IL1RAP: variants seen among roughly 807,000 people sequenced by gnomAD.
The protein encoded by IL1RAP is interleukin-1 receptor accessory protein.
Under a neutral mutation model 60.7 loss-of-function variants are expected in IL1RAP, and 35 were observed. The observed-to-expected ratio is 0.58, with a 90% confidence interval of 0.44 to 0.76. IL1RAP has a LOEUF of 0.76. Ranked by LOEUF, IL1RAP falls within the 30% of genes least tolerant of loss-of-function variation. IL1RAP has a pLI of 0.00. For missense variants in IL1RAP, 572 were observed against 693.9 expected, an observed-to-expected ratio of 0.82 and a Z score of 1.97; for synonymous variants, 268 against 250.9, an observed-to-expected ratio of 1.07 and a Z score of -0.64.
intron 3 of IL1RAP, among the ~76,000 whole-genome samples, chr3:190,567,399 A>T (rs1463031628): frequency 1.3e-5 from 2 of 152,220 alleles, no homozygotes; most frequent in Non-Finnish European, 2.9e-5. Context: ...AGCAGTTTGC[A>T]TTGTACATAT....
intron 9 of IL1RAP, among the ~76,000 whole-genome samples, chr3:190,636,054 G>A (rs1020406720): frequency 3.3e-5 from 5 of 152,098 alleles, no homozygotes; most frequent in African/African-American, 1.2e-4. Flanking sequence ...ATTTAATTCT[G>A]ATGTGTCCAA....
chr3:190,659,487 T>C (rs558712223), exon 12 of IL1RAP: 1 of 152,244 alleles, frequency 6.6e-6, no homozygotes, highest in Non-Finnish European at 1.5e-5. Context: ...TTGAATGTGA[T>C]GTTCAGTACC....
intron 9 of IL1RAP, among the ~76,000 whole-genome samples, chr3:190,631,734 T>C (rs1316859031): frequency 2.0e-5 from 3 of 151,766 alleles, no homozygotes; most frequent in African/African-American, 7.3e-5. Context: ...AATTTCATTA[T>C]AGTCAGTTAA....
chr3:190,553,728 C>T (rs1254402240), intron 1 of IL1RAP, among the ~76,000 whole-genome samples: 2 of 152,186 alleles, frequency 1.3e-5, no homozygotes, highest in Admixed American at 1.3e-4. Context: ...GGCACAGTTT[C>T]CTCTAGCCTC....
chr3:190,538,208 C>T (rs1003359635), intron 1 of IL1RAP, among the ~76,000 whole-genome samples: 1 of 152,188 alleles, frequency 6.6e-6, no homozygotes, highest in Admixed American at 6.6e-5. Context: ...ACTGTTGCTT[C>T]TCAATGTATG....
chr3:190,526,283 A>C (rs755419885), intron 1 of IL1RAP, among the ~76,000 whole-genome samples: 2 of 152,226 alleles, frequency 1.3e-5, no homozygotes, highest in Non-Finnish European at 2.9e-5. Flanking sequence ...TGAGACCCGG[A>C]ATCACAGAGT....
Position 190,627,336 on chromosome 3 carries a change from C to T in IL1RAP, c.789C>T (p.Leu263=), listed in dbSNP as rs888017293. The T allele has an allele frequency of 1.3e-6, 2 of 1,598,592 alleles. No individual in the cohort carries two copies. Among genetic ancestry groups the T allele is most frequent in the Non-Finnish European group, 1.7e-6 (2 of 1,172,486 alleles). The change falls in exon 8 of 12, where the codon CTC becomes CTT. Residue 263 remains leucine, a synonymous_variant. Transcript: ENST00000447382. ...VYEKEPGEEL[L]IPCTVYFSFL... ...TTTTTTTTTCAGGAGAGGAGCTACTCATTCCCTGTACGGTCTATTTTAGTT... is the reference window on the plus strand; with the variant it reads ...TTTTTTTTTCAGGAGAGGAGCTACTTATTCCCTGTACGGTCTATTTTAGTT...
chr3:190,578,102 T>A (rs1241830315), intron 3 of IL1RAP, among the ~76,000 whole-genome samples: 2 of 152,148 alleles, frequency 1.3e-5, no homozygotes, highest in African/African-American at 4.8e-5. Flanking sequence ...ACCTATCGGG[T>A]ATCTATACCC....
chr3:190,632,118 A>G (rs1732842371), intron 9 of IL1RAP, among the ~76,000 whole-genome samples: 1 of 152,182 alleles, frequency 6.6e-6, no homozygotes, highest in South Asian at 2.1e-4. Flanking sequence ...TTTTATAATA[A>G]CAGCATGAAA....
At chr3:190,643,212 G>A (rs557316075) in intron 9 of IL1RAP, among the ~76,000 whole-genome samples, 16 of 152,188 alleles carry the variant, frequency 1.1e-4, no homozygotes, top group African/African-American at 3.4e-4. Context: ...ATTTCTACAC[G>A]GGAGAGCCAG....
At chr3:190,645,641 ATG>A in intron 10 of IL1RAP, 56 bp from the exon 11 acceptor site, 1 of 1,377,112 alleles carries the variant, frequency 7.3e-7, no homozygotes. Flanking sequence ...TTTAAGAAAA[ATG>A]TAATGGTATT....
chr3:190,604,431 A>G lies in IL1RAP; in HGVS notation c.350+18A>G. ...ATGTTAAGGTAGCCTGATTCTTGGC[A>G]GTGGCTTTCTCTTTTCCCTTTAGTT... On this transcript the variant is annotated intron_variant, in intron 4 of 11. Coordinates refer to ENST00000447382, the MANE Select transcript of IL1RAP (RefSeq NM_002182.4). The G allele has an allele frequency of 1.2e-6, 2 of 1,607,538 alleles. No individual in the cohort carries two copies. The highest frequency in any genetic ancestry group is 2.0e-4 in the Middle Eastern group (1 of 4,908).
At chr3:190,588,353 C>T (rs1316413582) in intron 3 of IL1RAP, among the ~76,000 whole-genome samples, 2 of 152,230 alleles carry the variant, frequency 1.3e-5, no homozygotes, top group East Asian at 1.9e-4. Context: ...ACCTCGTGAT[C>T]CGCCCGCCTG....
intron 3 of IL1RAP, among the ~76,000 whole-genome samples, chr3:190,589,333 C>T (rs1340352000): frequency 2.0e-5 from 3 of 152,190 alleles, no homozygotes; most frequent in Non-Finnish European, 2.9e-5. Flanking sequence ...CCAGACATTT[C>T]TCCAAACCCC....
Position 190,537,394 on chromosome 3 carries a change from T to C in IL1RAP, c.-88-18736T>C, listed in dbSNP as rs185085755. Among the ~76,000 whole-genome samples, 221 of 152,284 alleles carry C rather than the reference T, an allele frequency of 1.5e-3. 1 individual carries two copies. The highest frequency in any genetic ancestry group is 6.8e-3 in the Middle Eastern group (2 of 294). ...CTGTACGAAAACCTATGCACTCTTATAGCCTCATCTGGTTTCCTTTGTCAA... is the reference window on the plus strand; with the variant it reads ...CTGTACGAAAACCTATGCACTCTTACAGCCTCATCTGGTTTCCTTTGTCAA... On this transcript the variant is annotated intron_variant, in intron 1 of 11. Transcript: ENST00000447382.
intron 1 of IL1RAP, among the ~76,000 whole-genome samples, chr3:190,535,493 T>C (rs1373975768): frequency 1.3e-5 from 2 of 152,196 alleles, no homozygotes; most frequent in East Asian, 1.9e-4. Context: ...GCTATTTTTT[T>C]TCTCTCGGGT....
chr3:190,589,711 T>C (rs922952345), intron 3 of IL1RAP, among the ~76,000 whole-genome samples: 7 of 152,156 alleles, frequency 4.6e-5, no homozygotes, highest in Admixed American at 2.0e-4. Context: ...AAGCTCCTAA[T>C]TGAAAGTTGA....
intron 5 of IL1RAP, among the ~76,000 whole-genome samples, chr3:190,613,826 C>A (rs550318810): frequency 6.7e-6 from 1 of 150,320 alleles, no homozygotes; most frequent in East Asian, 2.0e-4. Flanking sequence ...GAGGGAGACT[C>A]CATTTCAAAA....
chr3:190,634,478 A>G (rs1342412965), intron 9 of IL1RAP, among the ~76,000 whole-genome samples: 2 of 151,250 alleles, frequency 1.3e-5, no homozygotes, highest in Non-Finnish European at 2.9e-5. Context: ...TTCAGTAGAG[A>G]TTGGGTTTCA....
Sources: allele counts gnomAD v4.1 joint callset (sites outside exome capture counted in the v4.1 genomes callset), GRCh38; gene constraint gnomAD v4.1.1; transcripts MANE v1.5; gene names NCBI Gene and HGNC (gene_info 2026-07-23, HGNC 2026-07-21).